The following DGKG variants were observed in gnomAD, a reference collection of about 807,000 sequenced individuals.
The protein encoded by DGKG is DAG kinase gamma.
Under a neutral mutation model 105.3 loss-of-function variants are expected in DGKG, and 78 were observed. That is an observed-to-expected ratio of 0.74 (90% CI 0.62 to 0.89). The LOEUF is 0.89. Among genes scored for constraint, DGKG ranks in the 40% least tolerant of loss-of-function variants. DGKG has a pLI of 0.00. For synonymous variants in DGKG, 346 were observed against 367.1 expected (o/e 0.94, Z 0.66); for missense variants, 958 against 1,020.1 (o/e 0.94, Z 0.83).
In DGKG at chr3:186,251,907, C is replaced by T; in HGVS notation, c.1613G>A (p.Gly538Asp). 2.5e-6 allele frequency: 4 copies of T among 1,584,692 alleles called. No homozygotes were observed. The South Asian group carries it at 4.6e-5, about 18-fold the overall frequency. ...CLRWGGGYEG[G>D]SLTKILKDIE... ...GTCTTTCAGGATTTTTGTCAAGCTG[C>T]CCCCTTCATAACCTGTGGAGGACAG... The change falls in exon 19 of 25, where the codon GGC becomes GAC. Residue 538 changes from glycine to aspartate, a missense_variant. By Grantham distance (94) the Gly-to-Asp change is moderately conservative. Transcript: ENST00000265022.
At chr3:186,263,835 G>T (rs112426072) in intron 14 of DGKG, among the ~76,000 whole-genome samples, 11 of 152,234 alleles carry the variant, frequency 7.2e-5, no homozygotes, top group African/African-American at 2.4e-4. Flanking sequence ...CAATGTGGAC[G>T]CACAGCTCTG....
At chr3:186,343,261 C>G (rs1726170860) in intron 1 of DGKG, among the ~76,000 whole-genome samples, 1 of 152,154 alleles carries the variant, frequency 6.6e-6, no homozygotes, top group African/African-American at 2.4e-5. Context: ...AGCCAGAGGA[C>G]CAGAAACAAG....
intron 22 of DGKG, among the ~76,000 whole-genome samples, chr3:186,178,670 G>A (rs1472504233): frequency 6.6e-6 from 1 of 152,214 alleles, no homozygotes; most frequent in African/African-American, 2.4e-5. Flanking sequence ...GAGTGGGAGA[G>A]GGGAGGAGAC....
At chr3:186,159,737 A>ACAGGGG (rs1716198134) in intron 24 of DGKG, 1 of 152,220 alleles carries the variant, frequency 6.6e-6, no homozygotes, top group African/African-American at 2.4e-5. Context: ...ACCTTCTGTT[A>ACAGGGG]TGGAATAAAT....
intron 10 of DGKG, among the ~76,000 whole-genome samples, 188 bp from the exon 11 acceptor site, chr3:186,272,531 C>G (rs1722366467): frequency 6.6e-6 from 1 of 152,130 alleles, no homozygotes; most frequent in Admixed American, 6.5e-5. Context: ...GGACAGAGAC[C>G]CTGCTTATCT....
intron 17 of DGKG, among the ~76,000 whole-genome samples, chr3:186,255,122 G>A (rs1721403168): frequency 6.6e-6 from 1 of 152,210 alleles, no homozygotes; most frequent in Non-Finnish European, 1.5e-5. Context: ...GTACTCTCTT[G>A]TAATTATCTC....
rs1038240234 is a variant in DGKG at position 186,250,674 on chromosome 3, C to T, written c.1761+1085G>A. On this transcript the variant is annotated intron_variant, in intron 19 of 24. Coordinates refer to ENST00000265022, the MANE Select transcript of DGKG (RefSeq NM_001346.3). Reference sequence around the variant, plus strand: ...AAGCAATTCTCCTGCCTCAGCCTCCCGAGTAGCTGGGATTACAGGCACCCA... The same window carrying T: ...AAGCAATTCTCCTGCCTCAGCCTCCTGAGTAGCTGGGATTACAGGCACCCA... Among the ~76,000 whole-genome samples, 18 of 150,864 alleles carry T rather than the reference C, an allele frequency of 1.2e-4. No individual in the cohort carries two copies. In the East Asian group the frequency reaches 2.1e-3, roughly 18 times the overall value.
rs112814815 is a variant in DGKG, at chr3:186,320,276, G to C, written c.67+117C>G. 12 of 1,221,696 alleles carry C rather than the reference G, an allele frequency of 9.8e-6. No individual in the cohort carries two copies. In the Admixed American group the frequency reaches 2.4e-4, roughly 24 times the overall value. The allele number at this position is 1,221,696 out of a possible 1,614,324, so 75.7% of individuals were successfully genotyped here. ...CTGTGTTTATAAGGAAATATAAGCC[G>C]TCAGGCCTGACATCATTCTTTGTGG... is the stretch of plus-strand genomic sequence containing the variant. On this transcript the variant is annotated intron_variant, in intron 2 of 24. Coordinates refer to ENST00000265022, the MANE Select transcript of DGKG (RefSeq NM_001346.3).
At chr3:186,271,684 A>G (rs552874025) in intron 11 of DGKG, among the ~76,000 whole-genome samples, 1 of 152,168 alleles carries the variant, frequency 6.6e-6, no homozygotes, top group African/African-American at 2.4e-5. Context: ...TTCAGGCCAG[A>G]TCTCACCACT....
At chr3:186,314,552 C>T (rs549245186) in intron 2 of DGKG, among the ~76,000 whole-genome samples, 10 of 151,922 alleles carry the variant, frequency 6.6e-5, no homozygotes, top group East Asian at 3.9e-4. Flanking sequence ...GTCAGGAGTT[C>T]GAGACCAGCC....
chr3:186,272,408 TC>T, intron 10 of DGKG, 65 bp from the exon 11 acceptor site: 1 of 1,204,914 alleles, frequency 8.3e-7, no homozygotes, highest in Non-Finnish European at 1.2e-6. Context: ...CCAGCTGCCC[TC>T]CCACCCTAGC....
rs1715554159 is a variant in DGKG at position 186,147,408 on chromosome 3, C to T, written c.*2682G>A. ...GAGATAATAATACCTTCTCTGCTAA[C>T]CTCAGAGGTTGCTATGAGGGTCACT... On this transcript the variant is annotated 3_prime_UTR_variant, in exon 25 of 25. Transcript: ENST00000265022. 1 of 979,480 alleles carries T rather than the reference C, an allele frequency of 1.0e-6. No homozygotes were observed. The highest frequency in any genetic ancestry group is 1.8e-5 in the African/African-American group (1 of 57,080). The allele number at this position is 979,480 out of a possible 1,614,324, so 60.7% of individuals were successfully genotyped here. A position where few individuals can be genotyped will look rare whatever the true frequency, so the allele number is the denominator to read the frequency against.
chr3:186,290,333 T>A (rs972247731), intron 5 of DGKG, among the ~76,000 whole-genome samples: 4 of 152,182 alleles, frequency 2.6e-5, no homozygotes, highest in Admixed American at 6.5e-5. Flanking sequence ...ATTAAGATTG[T>A]CACTGGAGGA....
At chr3:186,179,605 A>T (rs1472562177) in intron 22 of DGKG, among the ~76,000 whole-genome samples, 1 of 152,240 alleles carries the variant, frequency 6.6e-6, no homozygotes, top group East Asian at 1.9e-4. Flanking sequence ...AAAACATCAC[A>T]GTTTCTATAG....
At chr3:186,222,702 G>C (rs747332759) in intron 20 of DGKG, among the ~76,000 whole-genome samples, 2 of 151,908 alleles carry the variant, frequency 1.3e-5, no homozygotes, top group South Asian at 4.2e-4. Context: ...AATTAGGCCA[G>C]GCGCAGTGGG....
chr3:186,299,104 A>T lies in DGKG; in HGVS notation c.145-875T>A, dbSNP rs182762543. ...CAAACACTCAACAACAACAGTTTGCAGTGAGTCATCACTGGCTTGTGCTTT... is the reference window on the plus strand; with the variant it reads ...CAAACACTCAACAACAACAGTTTGCTGTGAGTCATCACTGGCTTGTGCTTT... On this transcript the variant is annotated intron_variant, in intron 3 of 24. Transcript: ENST00000265022. 2.2e-4 allele frequency among the ~76,000 whole-genome samples: 33 copies of T among 152,360 alleles called. 4 individuals carry two copies. The highest frequency in any genetic ancestry group is 1.4e-3 in the Admixed American group (22 of 15,302).
At chr3:186,288,569 A>T in intron 6 of DGKG, 141 bp downstream of exon 6, 1 of 828,980 alleles carries the variant, frequency 1.2e-6, no homozygotes, top group Non-Finnish European at 1.9e-6. Context: ...TTTTGGTAAC[A>T]GGACAAAGAA....
intron 9 of DGKG, among the ~76,000 whole-genome samples, chr3:186,278,472 C>T (rs1344490387): frequency 2.0e-5 from 3 of 152,156 alleles, no homozygotes; most frequent in Admixed American, 6.5e-5. Context: ...GGTGCTAGTT[C>T]GGTGGATGTC....
intron 22 of DGKG, among the ~76,000 whole-genome samples, chr3:186,182,938 C>T (rs1186088636): frequency 6.6e-6 from 1 of 152,168 alleles, no homozygotes; most frequent in Admixed American, 6.5e-5. Context: ...GATGAGAACA[C>T]ACATGCCCGT....
Sources: gnomAD v4.1 joint callset for allele counts (sites outside exome capture counted in the v4.1 genomes callset) on GRCh38, gnomAD v4.1.1 for gene constraint, MANE v1.5 for transcripts, NCBI Gene and HGNC (gene_info 2026-07-23, HGNC 2026-07-21) for gene names.